The following RAB40B variants were observed in gnomAD, a reference collection of about 807,000 sequenced individuals.
RAB40B encodes the protein ras-related protein Rab-40B.
Under a neutral mutation model 24.0 loss-of-function variants are expected in RAB40B, and 21 were observed. The ratio of observed to expected loss-of-function variants is 0.88; its 90% CI spans 0.62 to 1.26. The LOEUF (loss-of-function observed/expected upper bound fraction) is 1.26. Among genes scored for constraint, RAB40B ranks in the 50% most tolerant of loss-of-function variants. The probability of loss-of-function intolerance (pLI) is 0.00; values close to 1 mark genes in which losing one functional copy is unlikely to be tolerated. For missense variants in RAB40B, 348 were observed against 390.5 expected, an observed-to-expected ratio of 0.89 and a Z score of 0.92; for synonymous variants, 167 against 169.8, an observed-to-expected ratio of 0.98 and a Z score of 0.13.
At chr17:82,696,861 T>C (rs890296231) in intron 1 of RAB40B, 5 of 154,156 alleles carry the variant, frequency 3.2e-5, no homozygotes, top group African/African-American at 1.2e-4. Flanking sequence ...TATCTAGAAA[T>C]GTGACGAATG....
chr17:82,676,736 T>G (rs1431757268), intron 1 of RAB40B, among the ~76,000 whole-genome samples: 1 of 152,046 alleles, frequency 6.6e-6, no homozygotes, highest in Non-Finnish European at 1.5e-5. Context: ...CAAGCGATTC[T>G]CCTGCCTCAG....
In RAB40B at chr17:82,667,145, AG is replaced by A. The variant is rs2046268063; in HGVS notation, c.143-2590del. 6.6e-6 allele frequency among the ~76,000 whole-genome samples: 1 copy of A among 152,192 alleles called. No individual in the cohort carries two copies. Among genetic ancestry groups the A allele is most frequent in the Admixed American group, 6.5e-5 (1 of 15,290 alleles). On this transcript the variant is annotated intron_variant, in intron 1 of 5. Transcript: ENST00000571995. This position sits in a 1 kb window ranked among gnomAD's most constrained non-coding sequence, Gnocchi z 4.3. ...CTCCTCTAAAAATGCGAGGCTGCGGAGGCCACGGTTCTCAAGCAGCTTCTGC... is the reference window on the plus strand; with the variant it reads ...CTCCTCTAAAAATGCGAGGCTGCGGAGCCACGGTTCTCAAGCAGCTTCTGC...
intron 1 of RAB40B, among the ~76,000 whole-genome samples, chr17:82,666,275 G>A (rs1354223339): frequency 6.7e-6 from 1 of 149,084 alleles, no homozygotes; most frequent in Non-Finnish European, 1.5e-5. Flanking sequence ...ATGGAATTTC[G>A]CTCTTGTTGC....
Position 82,693,258 on chromosome 17 carries a change from C to T in RAB40B, c.142+5197G>A, listed in dbSNP as rs548186294. On this transcript the variant is annotated intron_variant, in intron 1 of 5. Transcript: ENST00000571995. Reference sequence around the variant, plus strand: ...TTGACCTCTGGTGATCCATCCGCCTCGGCCTCTGAAAGTGCTGGGATTGCA... The same window carrying T: ...TTGACCTCTGGTGATCCATCCGCCTTGGCCTCTGAAAGTGCTGGGATTGCA... Among the ~76,000 whole-genome samples, 18 of 152,244 alleles carry T rather than the reference C, an allele frequency of 1.2e-4. No individual in the cohort carries two copies. The South Asian group carries it at 3.3e-3, about 28-fold the overall frequency.
intron 1 of RAB40B, among the ~76,000 whole-genome samples, chr17:82,676,658 C>T (rs543103551): frequency 9.2e-5 from 14 of 152,166 alleles, no homozygotes; most frequent in South Asian, 2.1e-4. Context: ...GATGGAGTCT[C>T]GCTGTGTCGC....
At chr17:82,676,223 G>C (rs2046391992) in intron 1 of RAB40B, among the ~76,000 whole-genome samples, 1 of 151,924 alleles carries the variant, frequency 6.6e-6, no homozygotes, top group South Asian at 2.1e-4. Context: ...AACCTCTGTG[G>C]TCACACACAG....
intron 3 of RAB40B, among the ~76,000 whole-genome samples, chr17:82,660,515 G>A (rs2046155149): frequency 6.7e-6 from 1 of 148,164 alleles, no homozygotes; most frequent in African/African-American, 2.5e-5. Flanking sequence ...AGGCACTCAT[G>A]CACAGATGCA....
At chr17:82,666,044 ACACCTGCCACCGCACCTGCCACCG>A (rs1432979755) in intron 1 of RAB40B, among the ~76,000 whole-genome samples, 1 of 97,126 alleles carries the variant, frequency 1.0e-5, no homozygotes, top group Non-Finnish European at 2.5e-5. Flanking sequence ...ACCTGCCACC[ACACCTGCCACCGCACCTGCCACCG>A]CACCTGCCAC....
intron 1 of RAB40B, among the ~76,000 whole-genome samples, chr17:82,670,148 C>CCTCTTGA (rs1402848151): frequency 6.7e-6 from 1 of 149,890 alleles, no homozygotes; most frequent in Non-Finnish European, 1.5e-5. Flanking sequence ...TAGAAAGTAT[C>CCTCTTGA]CTCTTGACCT....
At chr17:82,682,352 T>TA (rs35765887) in intron 1 of RAB40B, among the ~76,000 whole-genome samples, 1 of 151,728 alleles carries the variant, frequency 6.6e-6, no homozygotes, top group Non-Finnish European at 1.5e-5. Flanking sequence ...AGTATAAATC[T>TA]AAAAAAAAGT....
At position 82,655,950 on chromosome 17, in the gene RAB40B, CTTTTTT is replaced by C. The variant is rs66478872; in HGVS notation, c.*1907_*1912del. On this transcript the variant is annotated 3_prime_UTR_variant, in exon 6 of 6. Coordinates refer to ENST00000571995, the MANE Select transcript of RAB40B (RefSeq NM_006822.3). ...CCTGATTCTAGGGTCCCTTAAATTTCTTTTTTTTTTTTTTTTTTAGATGGAGTTTCA... is the reference window on the plus strand; with the variant it reads ...CCTGATTCTAGGGTCCCTTAAATTTCTTTTTTTTTTTTAGATGGAGTTTCA... 7.6e-6 allele frequency: 1 copy of C among 132,328 alleles called. No homozygotes were observed. The highest frequency in any genetic ancestry group is 1.6e-5 in the Non-Finnish European group (1 of 62,782). 8.2% of individuals were successfully genotyped at this position (132,328 alleles called of 1,614,324 possible). A position where few individuals can be genotyped will look rare whatever the true frequency, so the allele number is the denominator to read the frequency against.
In RAB40B at chr17:82,661,006, G is replaced by A. The variant is rs1435452880; in HGVS notation, c.245C>T (p.Ser82Phe). ...TGTTACCTGTGCGCCCCGGGAGTAGGAGCGGAATATGGTACAAAATCTTCC... is the reference window on the plus strand; with the variant it reads ...TGTTACCTGTGCGCCCCGGGAGTAGAAGCGGAATATGGTACAAAATCTTCC... ...GQGRFCTIFR[S>F]YSRGAQGVIL... The change falls in exon 3 of 6, where the codon TCC becomes TTC. Residue 82 changes from serine to phenylalanine, a missense_variant. Physicochemically the swap from Ser to Phe is radical, Grantham distance 155. Around this residue, in one of 3 missense-constraint regions of RAB40B, gnomAD observed 126 missense variants for 181.0 expected, o/e 0.70. Coordinates refer to ENST00000571995, the MANE Select transcript of RAB40B (RefSeq NM_006822.3). The A allele has an allele frequency of 6.2e-7, 1 of 1,614,092 alleles. No homozygotes were observed. The highest frequency in any genetic ancestry group is 1.1e-5 in the South Asian group (1 of 91,074).
chr17:82,688,117 C>T (rs1050650412), intron 1 of RAB40B, among the ~76,000 whole-genome samples: 16 of 152,034 alleles, frequency 1.1e-4, no homozygotes, highest in East Asian at 9.8e-4. Flanking sequence ...TGGTGCTGAG[C>T]GTCCATCAGT....
intron 2 of RAB40B, 21 bp from the exon 3 acceptor site, chr17:82,661,068 C>T: frequency 6.2e-7 from 1 of 1,613,418 alleles, no homozygotes; most frequent in East Asian, 2.2e-5. Flanking sequence ...TGTTGGAGAC[C>T]ATTAAGAAGA....
chr17:82,691,779 AG>A (rs1369508785), intron 1 of RAB40B, among the ~76,000 whole-genome samples: 1 of 152,220 alleles, frequency 6.6e-6, no homozygotes, highest in African/African-American at 2.4e-5. Context: ...GGTGGCGGAA[AG>A]GCAGGGCCCT....
intron 1 of RAB40B, among the ~76,000 whole-genome samples, chr17:82,665,922 T>TA (rs920196024): frequency 6.6e-6 from 1 of 151,186 alleles, no homozygotes; most frequent in Non-Finnish European, 1.5e-5. Flanking sequence ...AAACTACACT[T>TA]AAAAAAAATC....
chr17:82,674,617 C>T (rs746249936), intron 1 of RAB40B, among the ~76,000 whole-genome samples: 14 of 142,354 alleles, frequency 9.8e-5, no homozygotes, highest in African/African-American at 3.4e-4. Flanking sequence ...CCAGCCTGGG[C>T]GACAGAGCAA....
At chr17:82,685,996 G>T (rs1179306018) in intron 1 of RAB40B, among the ~76,000 whole-genome samples, 1 of 151,440 alleles carries the variant, frequency 6.6e-6, no homozygotes, top group Non-Finnish European at 1.5e-5. Flanking sequence ...TAGAGACGGG[G>T]TTTCACCATG....
chr17:82,668,562 C>T (rs1371900253), intron 1 of RAB40B, among the ~76,000 whole-genome samples: 2 of 152,274 alleles, frequency 1.3e-5, no homozygotes. Context: ...GCTGAGGTGG[C>T]AAGGGCTGGT....
Sources: gnomAD v4.1 joint callset for allele counts (sites outside exome capture counted in the v4.1 genomes callset) on GRCh38, gnomAD v4.1.1 for gene constraint, gnomAD v4.1.1 regional missense constraint, Gnocchi (gnomAD v3.1) non-coding constraint, MANE v1.5 for transcripts, NCBI Gene and HGNC (gene_info 2026-07-23, HGNC 2026-07-21) for gene names.